Variants in ROBO1 observed in about 807,000 individuals in gnomAD.
The protein encoded by ROBO1 is roundabout guidance receptor 1.
ROBO1 carries 149 observed loss-of-function variants against 195.9 expected under a neutral mutation model. The observed-to-expected ratio is 0.76, with a 90% CI of 0.67 to 0.87. The LOEUF (loss-of-function observed/expected upper bound fraction) is 0.87. ROBO1 is among the 40% of genes least tolerant of loss of function. ROBO1 has a pLI of 0.00. For missense variants in ROBO1, 1,933 were observed against 2,068.3 expected (o/e 0.93, Z 1.27); for synonymous variants, 816 against 733.2 (o/e 1.11, Z -1.82).
chr3:78,917,945 A>G (rs2038715954), intron 4 of ROBO1, among the ~76,000 whole-genome samples: 1 of 152,200 alleles, frequency 6.6e-6, no homozygotes, highest in African/African-American at 2.4e-5. Flanking sequence ...ATATTTAAGG[A>G]CAGAAGCTAC....
At chr3:79,476,322 C>G (rs1938544150) in intron 2 of ROBO1, among the ~76,000 whole-genome samples, 1 of 152,070 alleles carries the variant, frequency 6.6e-6, no homozygotes, top group Non-Finnish European at 1.5e-5. Flanking sequence ...TTATGGAAAA[C>G]AGCGTAGAGA....
intron 2 of ROBO1, among the ~76,000 whole-genome samples, chr3:79,261,955 G>A (rs1049694759): frequency 1.3e-5 from 2 of 151,926 alleles, no homozygotes; most frequent in Non-Finnish European, 2.9e-5. Flanking sequence ...GACCTTTCTG[G>A]ACAAATGTAA....
intron 1 of ROBO1, among the ~76,000 whole-genome samples, chr3:79,666,437 G>T (rs144576916): frequency 1.4e-4 from 22 of 151,978 alleles, no homozygotes; most frequent in African/African-American, 5.1e-4. Flanking sequence ...TTACTGATAT[G>T]ATTTGGCTAT....
intron 2 of ROBO1, among the ~76,000 whole-genome samples, chr3:79,426,726 T>A (rs2038461401): frequency 6.6e-6 from 1 of 152,152 alleles, no homozygotes; most frequent in Non-Finnish European, 1.5e-5. Flanking sequence ...AGAACTAGTT[T>A]CACTGTTTTT....
At chr3:79,587,757 C>A (rs1157858504) in intron 2 of ROBO1, among the ~76,000 whole-genome samples, 1 of 151,548 alleles carries the variant, frequency 6.6e-6, no homozygotes, top group Non-Finnish European at 1.5e-5. Context: ...TTAGAAGAAT[C>A]AAGACTTCTC....
intron 4 of ROBO1, among the ~76,000 whole-genome samples, chr3:78,754,126 T>A (rs2082868439): frequency 6.6e-6 from 1 of 152,202 alleles, no homozygotes; most frequent in South Asian, 2.1e-4. Context: ...TCTATCTTGA[T>A]AGGGTTATTA....
intron 2 of ROBO1, among the ~76,000 whole-genome samples, chr3:79,342,572 C>T (rs2034951067): frequency 6.6e-6 from 1 of 152,030 alleles, no homozygotes. Context: ...AAAAAGTTAC[C>T]TATGTGATAT....
At chr3:78,797,486 T>G (rs2084219682) in intron 4 of ROBO1, among the ~76,000 whole-genome samples, 1 of 152,172 alleles carries the variant, frequency 6.6e-6, no homozygotes, top group African/African-American at 2.4e-5. Flanking sequence ...AGCAGCACCC[T>G]TTATAGCTGT....
chr3:79,679,165 T>C (rs902763912), intron 1 of ROBO1, among the ~76,000 whole-genome samples: 3 of 152,002 alleles, frequency 2.0e-5, no homozygotes, highest in African/African-American at 7.2e-5. Context: ...TAGGCAGGTA[T>C]GTGTTTGTAT....
intron 2 of ROBO1, among the ~76,000 whole-genome samples, chr3:79,443,710 A>T (rs2039137361): frequency 6.6e-6 from 1 of 152,186 alleles, no homozygotes; most frequent in Non-Finnish European, 1.5e-5. Flanking sequence ...GGACAAAGGG[A>T]TAAGAATAGT....
intron 8 of ROBO1, among the ~76,000 whole-genome samples, chr3:78,704,659 TC>T (rs2081505683): frequency 1.1e-5 from 1 of 91,976 alleles, no homozygotes; most frequent in Non-Finnish European, 1.9e-5. Context: ...ACCTCATCTC[TC>T]CAAAAAAAAA....
At chr3:78,707,739 G>A (rs1373185211) in intron 8 of ROBO1, among the ~76,000 whole-genome samples, 1 of 152,124 alleles carries the variant, frequency 6.6e-6, no homozygotes, top group African/African-American at 2.4e-5. Flanking sequence ...TTCAAAAATT[G>A]ACCCATTCTG....
intron 19 of ROBO1, among the ~76,000 whole-genome samples, chr3:78,650,173 C>T (rs769485446): frequency 5.9e-5 from 9 of 152,072 alleles, no homozygotes; most frequent in Non-Finnish European, 1.0e-4. Context: ...CCCTTGTCTA[C>T]AATTATTTTC....
chr3:79,627,498 A>T (rs574475122), intron 1 of ROBO1, among the ~76,000 whole-genome samples: 1 of 152,266 alleles, frequency 6.6e-6, no homozygotes, highest in South Asian at 2.1e-4. Context: ...ACAAAAATTA[A>T]CTGAAGATGG....
chr3:79,017,450 A>AGTGTGTGTGT (rs60522056), intron 3 of ROBO1, among the ~76,000 whole-genome samples: 598 of 133,498 alleles, frequency 4.5e-3, no homozygotes, highest in Middle Eastern at 7.6e-3. Context: ...TCCGAGGTGC[A>AGTGTGTGTGT]GTGTGTGTGT....
chr3:79,644,610 C>T (rs1370581766), intron 1 of ROBO1, among the ~76,000 whole-genome samples: 1 of 152,124 alleles, frequency 6.6e-6, no homozygotes, highest in African/African-American at 2.4e-5. Flanking sequence ...AGCCTTGCCC[C>T]ATTATTCAAT....
intron 2 of ROBO1, among the ~76,000 whole-genome samples, chr3:79,567,378 T>C (rs1199152453): frequency 1.3e-5 from 2 of 152,148 alleles, no homozygotes; most frequent in Non-Finnish European, 2.9e-5. Flanking sequence ...CATCTATCCC[T>C]GAACTTAAAA....
rs2081941853 is a variant in ROBO1 at position 78,717,852 on chromosome 3, G to C, written c.689C>G (p.Thr230Ser). 2.5e-6 allele frequency: 4 copies of C among 1,613,582 alleles called. No homozygotes were observed. The East Asian group carries it at 8.9e-5, about 36-fold the overall frequency. ...IRGGKLMITY[T>S]RKSDAGKYVC... The stretch of plus-strand genomic sequence containing the variant: ...ATATTTGCCAGCGTCACTTTTACGG[G>C]TGTAAGTGATCATGAGCTTTCCTCC... The change falls in exon 6 of 31, where the codon ACC (threonine) becomes AGC (serine). Residue 230 changes from threonine to serine, a missense_variant. Around this residue, in one of 3 missense-constraint regions of ROBO1, gnomAD observed 1,737 missense variants for 1,882.5 expected, o/e 0.92. Transcript: ENST00000464233.
chr3:79,603,610 TA>T (rs1944401861), intron 1 of ROBO1, among the ~76,000 whole-genome samples: 1 of 151,886 alleles, frequency 6.6e-6, no homozygotes, highest in East Asian at 1.9e-4. Flanking sequence ...AACAAAGAAA[TA>T]AAGAGGATAC....
Sources: gnomAD v4.1 joint callset for allele counts (sites outside exome capture counted in the v4.1 genomes callset) on GRCh38, gnomAD v4.1.1 for gene constraint, gnomAD v4.1.1 regional missense constraint, MANE v1.5 for transcripts, NCBI Gene and HGNC (gene_info 2026-07-23, HGNC 2026-07-21) for gene names.